Variants in LMO2 observed in about 807,000 individuals in gnomAD.
The protein encoded by LMO2 is LIM domain only 2, also known as rhombotin-2.
Under a neutral mutation model 23.2 loss-of-function variants are expected in LMO2, and 20 were observed. The ratio of observed to expected loss-of-function variants is 0.86; its 90% CI spans 0.61 to 1.25. LMO2 has a LOEUF of 1.25. LMO2 is among the 50% of genes most tolerant of loss of function. The probability of loss-of-function intolerance (pLI) is 0.00; values close to 1 mark genes in which losing one functional copy is unlikely to be tolerated. For missense variants in LMO2, 270 were observed against 315.3 expected, an observed-to-expected ratio of 0.86 and a Z score of 1.09; for synonymous variants, 123 against 130.2, an observed-to-expected ratio of 0.94 and a Z score of 0.38.
chr11:33,870,503 G>A (rs2273798), intron 2 of LMO2: 395,418 of 987,496 alleles, frequency 0.4, 80,317 homozygotes, highest in African/African-American at 0.55. Context: ...TGCGGGCTCC[G>A]GGCTGCGGCC....
In LMO2 at chr11:33,878,110, T is replaced by C. The variant is rs115794109; in HGVS notation, c.-272+3714A>G. On this transcript the variant is annotated intron_variant, in intron 2 of 5. Transcript: ENST00000257818. ...TAGAGAAAAGAGGCAGACTGGAAGG[T>C]TAGAGCTGAAATTCTATGTGTGATT... Among the ~76,000 whole-genome samples, 837 of 152,262 alleles carry C rather than the reference T, an allele frequency of 5.5e-3. 16 individuals carry two copies. The highest frequency in any genetic ancestry group is 0.019 in the African/African-American group (781 of 41,540).
chr11:33,863,351 GCTT>G (rs1296119573), intron 5 of LMO2, among the ~76,000 whole-genome samples: 2 of 152,194 alleles, frequency 1.3e-5, no homozygotes, highest in East Asian at 3.8e-4. Context: ...AGGACAAAAA[GCTT>G]CTTCTAACAG....
chr11:33,885,841 C>T (rs375189341), intron 1 of LMO2, among the ~76,000 whole-genome samples: 1 of 151,116 alleles, frequency 6.6e-6, no homozygotes, highest in East Asian at 1.9e-4. Flanking sequence ...CTGTGGTCAT[C>T]ACCTGCAATG....
At chr11:33,884,312 G>A (rs190624990) in intron 1 of LMO2, among the ~76,000 whole-genome samples, 49 of 152,158 alleles carry the variant, frequency 3.2e-4, no homozygotes, top group African/African-American at 1.1e-3. Context: ...GCTCCATTGG[G>A]GGTCAGGCTG....
At chr11:33,883,254 T>A (rs1857329095) in intron 1 of LMO2, among the ~76,000 whole-genome samples, 1 of 152,244 alleles carries the variant, frequency 6.6e-6, no homozygotes, top group South Asian at 2.1e-4. Context: ...GTAGACACTG[T>A]CCAAAGTATT....
chr11:33,884,983 T>C (rs756812448), intron 1 of LMO2, among the ~76,000 whole-genome samples: 107 of 152,300 alleles, frequency 7.0e-4, no homozygotes, highest in Non-Finnish European at 5.6e-4. Flanking sequence ...TGTGATCATA[T>C]TGTAAGACCT....
At chr11:33,877,827 G>C (rs1024554783) in intron 2 of LMO2, among the ~76,000 whole-genome samples, 1 of 151,656 alleles carries the variant, frequency 6.6e-6, no homozygotes, top group African/African-American at 2.4e-5. Context: ...TCTTGTTAAT[G>C]ATGCTCCCTA....
intron 2 of LMO2, chr11:33,881,576 C>G: frequency 2.8e-6 from 1 of 359,706 alleles, no homozygotes; most frequent in Non-Finnish European, 5.5e-6. Context: ...AGAGCCAAAT[C>G]TAAAAAATTA....
At chr11:33,860,496 G>A (rs150030276) in intron 5 of LMO2, among the ~76,000 whole-genome samples, 2 of 152,302 alleles carry the variant, frequency 1.3e-5, no homozygotes, top group African/African-American at 4.8e-5. Flanking sequence ...GGGCGCAGTG[G>A]CTCACACCTG....
chr11:33,879,182 C>A (rs901621053), intron 2 of LMO2, among the ~76,000 whole-genome samples: 3 of 152,048 alleles, frequency 2.0e-5, no homozygotes, highest in African/African-American at 7.3e-5. Flanking sequence ...AAGGCACAGG[C>A]AACAAAATTA....
chr11:33,875,799 T>G (rs1286425186), intron 2 of LMO2, among the ~76,000 whole-genome samples: 2 of 152,194 alleles, frequency 1.3e-5, no homozygotes, highest in Non-Finnish European at 2.9e-5. Context: ...CTGAGCTGTC[T>G]TTGTGCTCTT....
intron 1 of LMO2, among the ~76,000 whole-genome samples, chr11:33,888,393 GT>G (rs2133719993): frequency 6.6e-6 from 1 of 152,260 alleles, no homozygotes; most frequent in East Asian, 1.9e-4. Flanking sequence ...CTTGCCCAGA[GT>G]AAAAAGCCAA....
At chr11:33,881,114 G>A (rs1351992215) in intron 2 of LMO2, 1 of 453,666 alleles carries the variant, frequency 2.2e-6, no homozygotes, top group Non-Finnish European at 4.4e-6. Context: ...TGGTGGTGGT[G>A]GAAAAGGGGG....
intron 5 of LMO2, among the ~76,000 whole-genome samples, chr11:33,863,386 A>C (rs1370581745): frequency 6.6e-6 from 1 of 152,214 alleles, no homozygotes; most frequent in Non-Finnish European, 1.5e-5. Flanking sequence ...AGCTTCCTTC[A>C]CTGTGAAACT....
At chr11:33,888,212 C>T (rs896069812) in intron 1 of LMO2, among the ~76,000 whole-genome samples, 2 of 152,214 alleles carry the variant, frequency 1.3e-5, no homozygotes, top group South Asian at 2.1e-4. Context: ...TATATGATCT[C>T]GCTCATCCCT....
chr11:33,869,206 C>A, intron 4 of LMO2, 140 bp downstream of exon 4: 1 of 483,370 alleles, frequency 2.1e-6, no homozygotes, highest in Non-Finnish European at 2.9e-6. Context: ...AGGAGGAGCC[C>A]AGCGCTCGGC....
chr11:33,869,476 C>A lies in LMO2; in HGVS notation c.118G>T (p.Ala40Ser). The change falls in exon 4 of 6, where the codon GCA becomes TCA. Residue 40 changes from alanine to serine, a missense_variant. Physicochemically the swap from Ala to Ser is moderately conservative, Grantham distance 99 (BLOSUM62 1). Coordinates refer to ENST00000257818, the MANE Select transcript of LMO2 (RefSeq NM_005574.4). ...GDGGGGGGAR[A>S]PEGVRAPAAG... is the part of the protein sequence containing the mutation. ...GCCGGGGCTCGGACCCCCTCGGGTG[C>A]TCGGGCGCCGCCGCCGCCGCCGCCG... The A allele has an allele frequency of 8.3e-7, 1 of 1,209,306 alleles. No individual in the cohort carries two copies. 74.9% of individuals were successfully genotyped at this position (1,209,306 alleles called of 1,614,324 possible). A position where few individuals can be genotyped will look rare whatever the true frequency, so the allele number is the denominator to read the frequency against.
intron 4 of LMO2, among the ~76,000 whole-genome samples, chr11:33,867,690 G>T (rs1255103674): frequency 6.6e-6 from 1 of 152,176 alleles, no homozygotes; most frequent in South Asian, 2.1e-4. Context: ...GTGAAGGAAG[G>T]AGCTGGTGAG....
At chr11:33,872,995 T>G (rs1306020232) in intron 2 of LMO2, among the ~76,000 whole-genome samples, 1 of 152,124 alleles carries the variant, frequency 6.6e-6, no homozygotes, top group African/African-American at 2.4e-5. Context: ...ACTCCTGACC[T>G]CAGGCGGTCC....
Sources: allele counts gnomAD v4.1 joint callset (sites outside exome capture counted in the v4.1 genomes callset), GRCh38; gene constraint gnomAD v4.1.1; transcripts MANE v1.5; gene names NCBI Gene and HGNC (gene_info 2026-07-23, HGNC 2026-07-21).